The following CFAP43 variants were observed in gnomAD, a reference collection of about 807,000 sequenced individuals.
CFAP43 encodes cilia and flagella associated protein 43.
In CFAP43, 155 loss-of-function variants were observed where a neutral mutation model predicts 218.9. The observed-to-expected ratio is 0.71, with a 90% CI of 0.62 to 0.81. CFAP43 has a LOEUF of 0.81. Among genes scored for constraint, CFAP43 ranks in the 30% least tolerant of loss-of-function variants. The pLI is 0.00. For missense variants in CFAP43, 1,778 were observed against 1,954.3 expected, an observed-to-expected ratio of 0.91 and a Z score of 1.70; for synonymous variants, 645 against 681.3, an observed-to-expected ratio of 0.95 and a Z score of 0.83.
intron 19 of CFAP43, 84 bp downstream of exon 19, chr10:104,178,945 C>T: frequency 9.9e-7 from 1 of 1,010,114 alleles, no homozygotes; most frequent in Non-Finnish European, 1.5e-6. Flanking sequence ...AGGTATAGTT[C>T]CTCAGGGTAG....
chr10:104,226,847 C>A (rs924724056), intron 2 of CFAP43, among the ~76,000 whole-genome samples: 1 of 152,026 alleles, frequency 6.6e-6, no homozygotes, highest in South Asian at 2.1e-4. Flanking sequence ...GGTAAAACCT[C>A]GTCTCTACTA....
intron 29 of CFAP43, 109 bp from the exon 30 acceptor site, chr10:104,146,458 G>A: frequency 2.6e-6 from 2 of 758,170 alleles, no homozygotes; most frequent in Non-Finnish European, 4.5e-6. Flanking sequence ...AGAGAAATAT[G>A]TCTGTGAAGT....
At chr10:104,231,765 G>A (rs548724089) in intron 1 of CFAP43, among the ~76,000 whole-genome samples, 91 of 152,310 alleles carry the variant, frequency 6.0e-4, no homozygotes, top group African/African-American at 2.1e-3. Flanking sequence ...AAAGGATTCA[G>A]GGACCTAACT....
At chr10:104,149,135 C>T (rs2088124050) in intron 28 of CFAP43, among the ~76,000 whole-genome samples, 2 of 152,112 alleles carry the variant, frequency 1.3e-5, no homozygotes, top group Non-Finnish European at 2.9e-5. Flanking sequence ...TGTAGTTTAT[C>T]AAGGCTTCAT....
At chr10:104,167,242 C>T (rs789206) in intron 22 of CFAP43, among the ~76,000 whole-genome samples, 19 of 152,062 alleles carry the variant, frequency 1.2e-4, no homozygotes, top group Admixed American at 2.0e-4. Flanking sequence ...AACCATAATT[C>T]CATCAAAACA....
intron 34 of CFAP43, among the ~76,000 whole-genome samples, chr10:104,140,368 A>G (rs1665241): frequency 0.43 from 66,005 of 152,088 alleles, 16,133 homozygotes; most frequent in African/African-American, 0.68. Flanking sequence ...GTGGGGTCTG[A>G]GCACATTTAT....
intron 33 of CFAP43, among the ~76,000 whole-genome samples, chr10:104,141,566 G>A (rs1396197742): frequency 2.0e-5 from 3 of 152,102 alleles, no homozygotes; most frequent in African/African-American, 4.8e-5. Context: ...AGCCCAGATC[G>A]TGCCACTGCA....
At chr10:104,228,722 T>C (rs1051181289) in intron 2 of CFAP43, among the ~76,000 whole-genome samples, 3 of 152,228 alleles carry the variant, frequency 2.0e-5, no homozygotes, top group Non-Finnish European at 2.9e-5. Context: ...ACACTTTTTT[T>C]TGAATTATTT....
intron 25 of CFAP43, 67 bp downstream of exon 25, chr10:104,162,250 C>T: frequency 1.3e-6 from 2 of 1,497,040 alleles, no homozygotes; most frequent in African/African-American, 2.8e-5. Flanking sequence ...GTTATTAAAC[C>T]AAACTAGGAA....
At chr10:104,136,487 C>T (rs1446579827) in intron 34 of CFAP43, among the ~76,000 whole-genome samples, 1 of 151,904 alleles carries the variant, frequency 6.6e-6, no homozygotes, top group East Asian at 2.0e-4. Context: ...TCTCCTGCCT[C>T]AGCCTCCTGA....
intron 12 of CFAP43, among the ~76,000 whole-genome samples, chr10:104,190,006 C>G (rs570433636): frequency 1.3e-5 from 2 of 151,842 alleles, no homozygotes; most frequent in African/African-American, 2.4e-5. Flanking sequence ...TTTCTACTAA[C>G]AAATACAAAA....
At chr10:104,159,880 C>T (rs570807264) in intron 27 of CFAP43, among the ~76,000 whole-genome samples, 1 of 152,090 alleles carries the variant, frequency 6.6e-6, no homozygotes, top group African/African-American at 2.4e-5. Context: ...AAATCAGAAC[C>T]TGCATTTTTA....
At chr10:104,175,949 A>C (rs2089615318) in intron 19 of CFAP43, among the ~76,000 whole-genome samples, 1 of 152,242 alleles carries the variant, frequency 6.6e-6, no homozygotes, top group Non-Finnish European at 1.5e-5. Context: ...TTCTTCTCCA[A>C]ATCAAACTAT....
intron 20 of CFAP43, among the ~76,000 whole-genome samples, chr10:104,170,504 A>C (rs2089364928): frequency 1.3e-5 from 2 of 152,114 alleles, no homozygotes; most frequent in African/African-American, 4.8e-5. Flanking sequence ...CACATTGCTG[A>C]GTGGTCAAGA....
chr10:104,202,899 C>A (rs2090575561), intron 8 of CFAP43, among the ~76,000 whole-genome samples: 1 of 151,570 alleles, frequency 6.6e-6, no homozygotes, highest in African/African-American at 2.4e-5. Flanking sequence ...TTCTTTCAGG[C>A]AGAAAGTCAT....
intron 3 of CFAP43, among the ~76,000 whole-genome samples, chr10:104,216,728 C>T (rs986738648): frequency 3.9e-5 from 6 of 152,118 alleles, no homozygotes; most frequent in Admixed American, 6.6e-5. Flanking sequence ...AGACCACCTT[C>T]GAGATAGAGT....
intron 20 of CFAP43, among the ~76,000 whole-genome samples, chr10:104,169,447 T>C (rs1011231717): frequency 6.6e-6 from 1 of 152,178 alleles, no homozygotes; most frequent in Non-Finnish European, 1.5e-5. Context: ...TGTGTTTTTT[T>C]CCACTTAAAA....
At chr10:104,174,451 A>G (rs1465956739) in intron 19 of CFAP43, among the ~76,000 whole-genome samples, 1 of 152,220 alleles carries the variant, frequency 6.6e-6, no homozygotes, top group East Asian at 1.9e-4. Flanking sequence ...CAAGAATAGC[A>G]TAAGAAAGAC....
chr10:104,138,165 A>G (rs2087537514), intron 34 of CFAP43, among the ~76,000 whole-genome samples: 2 of 152,222 alleles, frequency 1.3e-5, no homozygotes, highest in African/African-American at 4.8e-5. Flanking sequence ...ATAAACAGTG[A>G]TGACATGTTG....
Sources: allele counts gnomAD v4.1 joint callset (sites outside exome capture counted in the v4.1 genomes callset), GRCh38; gene constraint gnomAD v4.1.1; transcripts MANE v1.5; gene names NCBI Gene and HGNC (gene_info 2026-07-23, HGNC 2026-07-21).